Variants in DGKB observed in about 807,000 individuals in gnomAD.
DGKB encodes 90 kDa diacylglycerol kinase.
In DGKB, 67 loss-of-function variants were observed where a neutral mutation model predicts 114.3. The observed-to-expected ratio is 0.59, with a 90% confidence interval of 0.48 to 0.72. The LOEUF (loss-of-function observed/expected upper bound fraction) is 0.72. DGKB is among the 30% of genes least tolerant of loss of function. The pLI is 0.00. For missense variants in DGKB, 907 were observed against 975.2 expected, an observed-to-expected ratio of 0.93 and a Z score of 0.93; for synonymous variants, 398 against 323.1, an observed-to-expected ratio of 1.23 and a Z score of -2.49.
intron 9 of DGKB, among the ~76,000 whole-genome samples, chr7:14,690,365 G>T (rs953427434): frequency 6.6e-6 from 1 of 152,216 alleles, no homozygotes; most frequent in African/African-American, 2.4e-5. Flanking sequence ...TCAATTTGAT[G>T]ACGTTCACTG....
At chr7:14,414,942 G>C (rs946029013) in intron 21 of DGKB, among the ~76,000 whole-genome samples, 9 of 151,846 alleles carry the variant, frequency 5.9e-5, no homozygotes, top group Non-Finnish European at 1.2e-4. Context: ...ATACTCTGAA[G>C]AAAGCACCTA....
chr7:14,643,244 C>T (rs1217299405), intron 13 of DGKB, among the ~76,000 whole-genome samples: 1 of 152,184 alleles, frequency 6.6e-6, no homozygotes, highest in Non-Finnish European at 1.5e-5. Flanking sequence ...CCCCAGCCAT[C>T]TACATTCCCA....
chr7:14,783,053 T>G (rs1839364966), intron 2 of DGKB, among the ~76,000 whole-genome samples: 1 of 152,214 alleles, frequency 6.6e-6, no homozygotes, highest in South Asian at 2.1e-4. Flanking sequence ...GTTTATGAAC[T>G]TTGCCTTTCT....
chr7:14,751,026 G>A (rs1205830558), intron 4 of DGKB, among the ~76,000 whole-genome samples: 1 of 151,532 alleles, frequency 6.6e-6, no homozygotes, highest in Non-Finnish European at 1.5e-5. Context: ...CTGGCAGGCT[G>A]GTTTCAAACT....
intron 23 of DGKB, among the ~76,000 whole-genome samples, chr7:14,338,265 C>G (rs1485088924): frequency 2.0e-5 from 3 of 151,866 alleles, no homozygotes; most frequent in Non-Finnish European, 4.4e-5. Flanking sequence ...CATGAAATAC[C>G]CCAAATGTAT....
intron 2 of DGKB, among the ~76,000 whole-genome samples, chr7:14,781,670 T>C (rs574287911): frequency 6.6e-6 from 1 of 152,312 alleles, no homozygotes; most frequent in Non-Finnish European, 1.5e-5. Context: ...AGCTTGTCTG[T>C]CTTTATTCAA....
intron 4 of DGKB, among the ~76,000 whole-genome samples, chr7:14,739,740 A>AC (rs1832274853): frequency 6.6e-6 from 1 of 152,070 alleles, no homozygotes; most frequent in South Asian, 2.1e-4. Flanking sequence ...AGGAAACTGC[A>AC]CCCCTTGCGT....
intron 20 of DGKB, among the ~76,000 whole-genome samples, chr7:14,495,710 C>G (rs1411968599): frequency 6.6e-6 from 1 of 151,734 alleles, no homozygotes; most frequent in Admixed American, 6.6e-5. Flanking sequence ...TCAGAGCTGC[C>G]TGTAGTGTCT....
At chr7:14,810,676 T>C (rs1251417108) in intron 2 of DGKB, among the ~76,000 whole-genome samples, 1 of 152,146 alleles carries the variant, frequency 6.6e-6, no homozygotes, top group Non-Finnish European at 1.5e-5. Context: ...TGGCACGATC[T>C]TGGCTCACTA....
intron 15 of DGKB, among the ~76,000 whole-genome samples, chr7:14,617,794 T>C (rs1355887110): frequency 6.6e-6 from 1 of 151,564 alleles, no homozygotes; most frequent in Non-Finnish European, 1.5e-5. Context: ...CCATTCCCCA[T>C]ATATCCAAAT....
intron 2 of DGKB, among the ~76,000 whole-genome samples, chr7:14,781,577 G>A (rs959314863): frequency 2.0e-5 from 3 of 151,892 alleles, no homozygotes; most frequent in Non-Finnish European, 2.9e-5. Flanking sequence ...TCCTTTCTTT[G>A]CTCTGGGCTG....
chr7:14,203,716 C>A (rs1786286830), intron 23 of DGKB, among the ~76,000 whole-genome samples: 1 of 151,938 alleles, frequency 6.6e-6, no homozygotes, highest in African/African-American at 2.4e-5. Context: ...TGGAAAACAT[C>A]ATGAGTATGA....
At chr7:14,770,663 G>C (rs148496454) in intron 2 of DGKB, among the ~76,000 whole-genome samples, 33 of 152,136 alleles carry the variant, frequency 2.2e-4, no homozygotes, top group African/African-American at 7.7e-4. Context: ...ATCATTCTAG[G>C]ATTGGTGATT....
At chr7:14,248,168 G>C (rs370004375) in intron 23 of DGKB, among the ~76,000 whole-genome samples, 18 of 152,112 alleles carry the variant, frequency 1.2e-4, no homozygotes, top group African/African-American at 4.3e-4. Context: ...ACAAATGAGT[G>C]GATTTATTTC....
intron 2 of DGKB, among the ~76,000 whole-genome samples, chr7:14,776,869 A>G (rs1033387714): frequency 1.1e-4 from 16 of 152,186 alleles, no homozygotes; most frequent in African/African-American, 3.1e-4. Context: ...TGGTAGGTCC[A>G]TCAACAGCTT....
intron 1 of DGKB, among the ~76,000 whole-genome samples, chr7:14,947,423 TTTA>T (rs1156594388): frequency 1.3e-5 from 2 of 151,758 alleles, no homozygotes; most frequent in Non-Finnish European, 1.5e-5. Context: ...CTTTAAAAGA[TTTA>T]TTCTTCAATC....
intron 1 of DGKB, among the ~76,000 whole-genome samples, chr7:14,859,729 T>C (rs1295920068): frequency 6.6e-6 from 1 of 152,128 alleles, no homozygotes; most frequent in Non-Finnish European, 1.5e-5. Flanking sequence ...TTATGAAACT[T>C]ACCTGTTGTT....
intron 2 of DGKB, among the ~76,000 whole-genome samples, chr7:14,781,186 G>A (rs1003593989): frequency 6.6e-6 from 1 of 152,120 alleles, no homozygotes; most frequent in Admixed American, 6.6e-5. Context: ...GCAAGGGGCC[G>A]ACTAACTCAC....
intron 9 of DGKB, among the ~76,000 whole-genome samples, chr7:14,687,973 T>C (rs1238325899): frequency 6.6e-6 from 1 of 152,210 alleles, no homozygotes; most frequent in Non-Finnish European, 1.5e-5. Context: ...ATTAAATGGC[T>C]TTATAGCTCT....
Sources: allele counts gnomAD v4.1 joint callset (sites outside exome capture counted in the v4.1 genomes callset), GRCh38; gene constraint gnomAD v4.1.1; transcripts MANE v1.5; gene names NCBI Gene and HGNC (gene_info 2026-07-23, HGNC 2026-07-21).